The following EIF2AK1 variants were observed in gnomAD, a reference collection of about 807,000 sequenced individuals.
EIF2AK1 encodes eukaryotic translation initiation factor 2-alpha kinase 1.
In EIF2AK1, 54 loss-of-function variants were observed where a neutral mutation model predicts 77.9. The ratio of observed to expected loss-of-function variants is 0.69; its 90% CI spans 0.56 to 0.87. The LOEUF (loss-of-function observed/expected upper bound fraction) is 0.87. EIF2AK1 is among the 40% of genes least tolerant of loss of function. The pLI is 0.00. For synonymous variants in EIF2AK1, 314 were observed against 290.5 expected (o/e 1.08, Z -0.82); for missense variants, 810 against 768.6 (o/e 1.05, Z -0.64).
intron 7 of EIF2AK1, among the ~76,000 whole-genome samples, chr7:6,043,329 C>A (rs970957978): frequency 3.3e-5 from 5 of 152,100 alleles, no homozygotes; most frequent in African/African-American, 1.2e-4. Context: ...GTAATCCCAA[C>A]TCTTTGGGAG....
chr7:6,038,741 T>C, intron 9 of EIF2AK1, 70 bp from the exon 10 acceptor site: 7 of 1,362,064 alleles, frequency 5.1e-6, no homozygotes, highest in Non-Finnish European at 1.0e-6. Flanking sequence ...AGCCAACAAA[T>C]ATTAATCTGC....
intron 1 of EIF2AK1, among the ~76,000 whole-genome samples, chr7:6,055,861 C>A (rs932902297): frequency 2.0e-4 from 30 of 149,632 alleles, no homozygotes; most frequent in African/African-American, 6.9e-4. Flanking sequence ...TGCCTGTAAT[C>A]AATCCTAGCC....
chr7:6,042,649 G>A (rs1197772746), intron 8 of EIF2AK1, among the ~76,000 whole-genome samples: 1 of 151,890 alleles, frequency 6.6e-6, no homozygotes, highest in African/African-American at 2.4e-5. Flanking sequence ...GGCACATCAC[G>A]AGGCCAGGAG....
At chr7:6,050,717 C>A (rs1218585481) in intron 2 of EIF2AK1, among the ~76,000 whole-genome samples, 3 of 151,516 alleles carry the variant, frequency 2.0e-5, no homozygotes, top group African/African-American at 7.3e-5. Flanking sequence ...ATTCTCCTGC[C>A]TCAGCCTCCT....
chr7:6,022,661 G>A lies in EIF2AK1; in HGVS notation c.*2012C>T, dbSNP rs74446866. 0.021 allele frequency: 3,264 copies of A among 152,186 alleles called. 121 individuals are homozygous for A. Among genetic ancestry groups the A allele is most frequent in the African/African-American group, 0.074 (3,071 of 41,476 alleles). The allele number at this position is 152,186 out of a possible 1,614,324, so 9.4% of individuals were successfully genotyped here. A position where few individuals can be genotyped will look rare whatever the true frequency, so the allele number is the denominator to read the frequency against. ...CCCTTGTTCGTCTGCAAAATTTAGG[G>A]TCTCTGAGTGAGACACAGCTCAAGG... On this transcript the variant is annotated 3_prime_UTR_variant, in exon 15 of 15. Transcript: ENST00000199389.
rs1424232267 is a variant in EIF2AK1 at position 6,040,994 on chromosome 7, C to T, written c.1017G>A (p.Val339=). 2 of 1,614,112 alleles carry T rather than the reference C, an allele frequency of 1.2e-6. No homozygotes were observed. The highest frequency in any genetic ancestry group is 1.7e-6 in the Non-Finnish European group (2 of 1,180,040). Reference sequence around the variant, plus strand: ...TACGCCTGAGTGGCAGCTGCTGTTCCACAATTGAACTGGCAGACAAACCAG... The same window carrying T: ...TACGCCTGAGTGGCAGCTGCTGTTCTACAATTGAACTGGCAGACAAACCAG... The part of the protein sequence containing the change: ...GLAGLSASSI[V]EQQLPLRRNS... Residue 339 remains valine, a synonymous_variant, in exon 9 of 15, where the codon GTG becomes GTA. Transcript: ENST00000199389.
rs1299306567 is a variant in EIF2AK1, at chr7:6,054,695, A to T, written c.128T>A (p.Val43Asp). Residue 43 changes from valine to aspartate, a missense_variant, in exon 2 of 15, where the codon GTT (valine) becomes GAT (aspartate). Val to Asp is a radical substitution (Grantham distance 152). This residue lies in a region of EIF2AK1 where 246 missense variants were observed against 199.0 expected (regional missense o/e 1.24). Transcript: ENST00000199389. ...TTTTAACACCTGGATTTCTGCTGGA[A>T]CATCAGATTCTAAAAATTAAAAAGG... ...GPDPEYDESD[V>D]PAEIQVLKEP... 1 of 1,612,954 alleles carries T rather than the reference A, an allele frequency of 6.2e-7. No individual in the cohort carries two copies. The highest frequency in any genetic ancestry group is 8.5e-7 in the Non-Finnish European group (1 of 1,179,552).
chr7:6,031,734 TGCTCCCCAAAGCCTGCAAA>T, intron 11 of EIF2AK1: 1 of 787,874 alleles, frequency 1.3e-6, no homozygotes, highest in East Asian at 2.7e-5. Flanking sequence ...CACACTGCAG[TGCTCCCCAAAGCCTGCAAA>T]GCCTCCCCTA....
At chr7:6,055,694 A>C (rs940041839) in intron 1 of EIF2AK1, among the ~76,000 whole-genome samples, 8 of 150,438 alleles carry the variant, frequency 5.3e-5, no homozygotes, top group Non-Finnish European at 1.2e-4. Flanking sequence ...AAAAAAAAAA[A>C]ACCTAGCTGG....
intron 11 of EIF2AK1, among the ~76,000 whole-genome samples, chr7:6,037,186 G>A (rs776968733): frequency 1.3e-5 from 2 of 151,744 alleles, no homozygotes; most frequent in African/African-American, 4.8e-5. Flanking sequence ...AGCTGTAATC[G>A]TGCCACTGCG....
At chr7:6,031,583 C>T (rs1220581601) in intron 11 of EIF2AK1, 1 of 1,550,778 alleles carries the variant, frequency 6.4e-7, no homozygotes, top group Admixed American at 2.0e-5. Flanking sequence ...CAGATTACTT[C>T]TGACCCAGGT....
At chr7:6,051,053 GAGA>G (rs1280122794) in intron 2 of EIF2AK1, among the ~76,000 whole-genome samples, 6 of 152,142 alleles carry the variant, frequency 3.9e-5, no homozygotes, top group Admixed American at 1.3e-4. Context: ...TAGGCAGTAA[GAGA>G]AGAATAAGAG....
intron 4 of EIF2AK1, 168 bp from the exon 5 acceptor site, chr7:6,047,259 C>T: frequency 1.3e-6 from 1 of 749,640 alleles, no homozygotes; most frequent in Non-Finnish European, 2.4e-6. Context: ...ATGAAGAAAA[C>T]AAAATCAGGT....
At chr7:6,045,048 G>C (rs1361608616) in intron 6 of EIF2AK1, among the ~76,000 whole-genome samples, 2 of 151,914 alleles carry the variant, frequency 1.3e-5, no homozygotes. Flanking sequence ...ATAAGATGGA[G>C]GACCATCTGT....
At chr7:6,034,903 G>A (rs542748382) in intron 11 of EIF2AK1, among the ~76,000 whole-genome samples, 3 of 152,192 alleles carry the variant, frequency 2.0e-5, no homozygotes, top group South Asian at 2.1e-4. Flanking sequence ...ACACACTCAC[G>A]CAGAAAAATG....
In EIF2AK1 at chr7:6,059,003, G is replaced by A. The variant is rs1788876396; in HGVS notation, c.81C>T (p.Ile27=). 6.5e-7 allele frequency: 1 copy of A among 1,540,110 alleles called. No individual in the cohort carries two copies. ...GGTCCGGGCCCTCGGCGGGAAAGTC[G>A]ATGGCCGGCGGCGCAGCCACAGCCC... ...GAGAVAAPPA[I]DFPAEGPDPE... Residue 27 remains isoleucine (I), a synonymous_variant, in exon 1 of 15, where the codon ATC becomes ATT. Coordinates refer to ENST00000199389, the MANE Select transcript of EIF2AK1 (RefSeq NM_014413.4).
Position 6,059,154 on chromosome 7 carries a change from T to G in EIF2AK1, c.-71A>C. ...CACTGCCACACTCCGATGCTGCAGC[T>G]AGCGCCGTCCGACCCGGAAGTAACC... On this transcript the variant is annotated 5_prime_UTR_variant, in exon 1 of 15. Coordinates refer to ENST00000199389, the MANE Select transcript of EIF2AK1 (RefSeq NM_014413.4). 9.3e-7 allele frequency: 1 copy of G among 1,076,130 alleles called. No homozygotes were observed. Among genetic ancestry groups the G allele is most frequent in the Non-Finnish European group, 1.2e-6 (1 of 815,080 alleles). The allele number at this position is 1,076,130 out of a possible 1,614,324, so 66.7% of individuals were successfully genotyped here. A position where few individuals can be genotyped will look rare whatever the true frequency, so the allele number is the denominator to read the frequency against.
At position 6,032,767 on chromosome 7, in the gene EIF2AK1, C is replaced by T. The variant is rs1037074249; in HGVS notation, c.1333-3735G>A. On this transcript the variant is annotated intron_variant, in intron 11 of 14. Coordinates refer to ENST00000199389, the MANE Select transcript of EIF2AK1 (RefSeq NM_014413.4). The surrounding 1 kb of genome is among the most constrained non-coding windows in gnomAD (Gnocchi z 4.3). ...CTAAATAAATGTATTGCCTTTGAAA[C>T]GGCAAGCTAACACAAACAGTATTTT... 53 of 1,278,440 alleles carry T rather than the reference C, an allele frequency of 4.1e-5. No homozygotes were observed. Among genetic ancestry groups the T allele is most frequent in the African/African-American group, 1.3e-4 (9 of 66,840 alleles). The allele number at this position is 1,278,440 out of a possible 1,614,324, so 79.2% of individuals were successfully genotyped here.
In EIF2AK1 at chr7:6,036,245, A is replaced by C; in HGVS notation, c.1332+1179T>G. 1 of 1,550,108 alleles carries C rather than the reference A, an allele frequency of 6.5e-7. No individual in the cohort carries two copies. The highest frequency in any genetic ancestry group is 8.7e-7 in the Non-Finnish European group (1 of 1,146,858). ...ACACCCTAATAAAGCAATCGCAAAA[A>C]CCTTTATCCCTACAGGGTATCTGCA... On this transcript the variant is annotated intron_variant, in intron 11 of 14. Transcript: ENST00000199389. The surrounding 1 kb of genome is among the most constrained non-coding windows in gnomAD (Gnocchi z 4.6).
Sources: gnomAD v4.1 joint callset for allele counts (sites outside exome capture counted in the v4.1 genomes callset) on GRCh38, gnomAD v4.1.1 for gene constraint, gnomAD v4.1.1 regional missense constraint, Gnocchi (gnomAD v3.1) non-coding constraint, MANE v1.5 for transcripts, NCBI Gene and HGNC (gene_info 2026-07-23, HGNC 2026-07-21) for gene names.